Variants in MTUS2 observed in about 807,000 individuals in gnomAD.
MTUS2 encodes microtubule-associated tumor suppressor candidate 2.
In MTUS2, 40 loss-of-function variants were observed where a neutral mutation model predicts 114.1. The observed-to-expected ratio is 0.35, with a 90% CI of 0.27 to 0.46. The LOEUF (loss-of-function observed/expected upper bound fraction) is 0.46. MTUS2 is among the 20% of genes least tolerant of loss of function. The pLI is 1.00. For missense variants in MTUS2, 1,679 were observed against 1,705.4 expected (o/e 0.98, Z 0.27); for synonymous variants, 688 against 672.0 (o/e 1.02, Z -0.37).
intron 5 of MTUS2, among the ~76,000 whole-genome samples, chr13:29,204,784 G>A (rs962763045): frequency 6.6e-6 from 1 of 152,212 alleles, no homozygotes; most frequent in Non-Finnish European, 1.5e-5. Flanking sequence ...GGGACCACGT[G>A]TACACAGCTT....
intron 7 of MTUS2, among the ~76,000 whole-genome samples, chr13:29,355,808 G>T (rs1360363774): frequency 6.6e-6 from 1 of 152,138 alleles, no homozygotes; most frequent in Non-Finnish European, 1.5e-5. Context: ...TGGAGATAAA[G>T]CTCATTAACA....
rs1158841933 is a variant in MTUS2 at position 29,480,932 on chromosome 13, A to G, written c.3399+568A>G. ...TCACAGTTCCCCTAACGAGGAAGGTACCATTCTTATTCCCATTTTACACGG... is the reference window on the plus strand; with the variant it reads ...TCACAGTTCCCCTAACGAGGAAGGTGCCATTCTTATTCCCATTTTACACGG... On this transcript the variant is annotated intron_variant, in intron 10 of 15. Transcript: ENST00000612955. The surrounding 1 kb of genome is among the most constrained non-coding windows in gnomAD (Gnocchi z 4.4). 6.6e-6 allele frequency among the ~76,000 whole-genome samples: 1 copy of G among 152,304 alleles called. No individual in the cohort carries two copies. The highest frequency in any genetic ancestry group is 1.5e-5 in the Non-Finnish European group (1 of 68,034).
intron 5 of MTUS2, among the ~76,000 whole-genome samples, chr13:29,178,191 C>A (rs1304505499): frequency 1.3e-5 from 2 of 152,134 alleles, no homozygotes; most frequent in African/African-American, 2.4e-5. Flanking sequence ...TACCAAACAA[C>A]AGAAATGCTA....
chr13:28,925,497 C>T (rs761023415), intron 2 of MTUS2, among the ~76,000 whole-genome samples: 1 of 152,188 alleles, frequency 6.6e-6, no homozygotes, highest in Non-Finnish European at 1.5e-5. Context: ...TAAACATTTA[C>T]TAAATTTCTA....
intron 2 of MTUS2, among the ~76,000 whole-genome samples, chr13:28,940,830 T>G (rs1174648086): frequency 1.3e-5 from 2 of 152,140 alleles, no homozygotes; most frequent in African/African-American, 2.4e-5. Context: ...AGATCTGTGG[T>G]AAGTGTATTT....
At chr13:29,356,174 C>T (rs904221458) in intron 7 of MTUS2, among the ~76,000 whole-genome samples, 4 of 152,180 alleles carry the variant, frequency 2.6e-5, no homozygotes, top group East Asian at 1.9e-4. Context: ...CATGGGGGAA[C>T]ATGACATGCC....
intron 2 of MTUS2, among the ~76,000 whole-genome samples, chr13:28,931,480 T>G (rs1182529259): frequency 2.0e-5 from 3 of 152,108 alleles, no homozygotes; most frequent in Non-Finnish European, 2.9e-5. Context: ...TTGCTTGCTC[T>G]CTCTCTCACC....
intron 6 of MTUS2, among the ~76,000 whole-genome samples, chr13:29,297,591 A>T (rs1310980863): frequency 6.6e-6 from 1 of 152,198 alleles, no homozygotes; most frequent in Admixed American, 6.5e-5. Flanking sequence ...TACTGAAGTT[A>T]CCTTGATTGA....
chr13:29,347,496 T>G (rs550385600), intron 7 of MTUS2, among the ~76,000 whole-genome samples: 4 of 152,166 alleles, frequency 2.6e-5, no homozygotes, highest in African/African-American at 9.6e-5. Flanking sequence ...CTCTAACTTG[T>G]AATTCTTTGG....
intron 9 of MTUS2, among the ~76,000 whole-genome samples, chr13:29,471,090 C>A (rs1880252429): frequency 6.6e-6 from 1 of 152,136 alleles, no homozygotes; most frequent in African/African-American, 2.4e-5. Context: ...CACCTGTGAT[C>A]ATAACACTTT....
chr13:29,047,746 G>T (rs150769496), intron 4 of MTUS2, among the ~76,000 whole-genome samples: 2,239 of 152,202 alleles, frequency 0.015, 52 homozygotes, highest in African/African-American at 0.051. Context: ...ATCTCCTGAC[G>T]TGATGCGCCC....
At chr13:28,971,356 T>C (rs961044250) in intron 2 of MTUS2, among the ~76,000 whole-genome samples, 2 of 152,218 alleles carry the variant, frequency 1.3e-5, no homozygotes, top group African/African-American at 4.8e-5. Flanking sequence ...GGTATGATTT[T>C]GATATGGAAC....
At chr13:28,945,297 A>C (rs547171621) in intron 2 of MTUS2, among the ~76,000 whole-genome samples, 656 of 35,982 alleles carry the variant, frequency 0.018, 3 homozygotes, top group African/African-American at 0.033. Flanking sequence ...GAGGGAAGGT[A>C]TCTTCGATAT....
chr13:29,245,837 T>C (rs3011465), intron 5 of MTUS2, among the ~76,000 whole-genome samples: 142,891 of 152,024 alleles, frequency 0.94, 67,796 homozygotes, highest in East Asian at 1. Flanking sequence ...GCTGGGACTA[T>C]AGGCGCCTGC....
intron 5 of MTUS2, among the ~76,000 whole-genome samples, chr13:29,132,747 C>T (rs563372171): frequency 6.6e-6 from 1 of 152,186 alleles, no homozygotes; most frequent in South Asian, 2.1e-4. Flanking sequence ...TTTGTTTATC[C>T]ATTTGTGAAT....
intron 7 of MTUS2, among the ~76,000 whole-genome samples, chr13:29,355,206 T>C (rs1869637903): frequency 6.6e-6 from 1 of 152,352 alleles, no homozygotes; most frequent in South Asian, 2.1e-4. Context: ...TCCTCTCCAG[T>C]GCTCAGCCTT....
chr13:29,501,379 G>A (rs1314459516), intron 15 of MTUS2, among the ~76,000 whole-genome samples, 185 bp downstream of exon 15: 1 of 152,122 alleles, frequency 6.6e-6, no homozygotes. Context: ...ACATATCAAC[G>A]GGCCCCACCT....
rs1893226792 is a variant in MTUS2 at position 29,164,352 on chromosome 13, A to G, written c.2644+63382A>G. On this transcript the variant is annotated intron_variant, in intron 5 of 15. Coordinates refer to ENST00000612955, the MANE Select transcript of MTUS2 (RefSeq NM_001033602.4). The stretch of plus-strand genomic sequence containing the variant: ...GTTTACATCATTATTTCTGTCCTGA[A>G]GTCAGCAGCACTGTGCATTGGGCTT... Among the ~76,000 whole-genome samples the G allele has an allele frequency of 4.6e-5, 7 of 152,324 alleles. No homozygotes were observed. The South Asian group carries it at 1.5e-3, about 32-fold the overall frequency.
At chr13:29,241,107 T>A (rs1896714739) in intron 5 of MTUS2, among the ~76,000 whole-genome samples, 1 of 152,154 alleles carries the variant, frequency 6.6e-6, no homozygotes, top group Non-Finnish European at 1.5e-5. Context: ...TGCCCTAATG[T>A]GAAATTATGA....
Sources: allele counts gnomAD v4.1 joint callset (sites outside exome capture counted in the v4.1 genomes callset), GRCh38; gene constraint gnomAD v4.1.1; non-coding constraint Gnocchi (gnomAD v3.1); transcripts MANE v1.5; gene names NCBI Gene and HGNC (gene_info 2026-07-23, HGNC 2026-07-21).